The following GUCY2C variants were observed in gnomAD, a reference collection of about 807,000 sequenced individuals.
The protein encoded by GUCY2C is guanylyl cyclase C.
Under a neutral mutation model 131.1 loss-of-function variants are expected in GUCY2C, and 118 were observed. The ratio of observed to expected loss-of-function variants is 0.90; its 90% CI spans 0.78 to 1.05. The LOEUF (loss-of-function observed/expected upper bound fraction) is 1.05. Ranked by LOEUF, GUCY2C falls within the 50% of genes least tolerant of loss-of-function variation. GUCY2C has a pLI of 0.00. For synonymous variants in GUCY2C, 452 were observed against 457.8 expected (o/e 0.99, Z 0.16); for missense variants, 1,161 against 1,304.4 (o/e 0.89, Z 1.69).
intron 10 of GUCY2C, among the ~76,000 whole-genome samples, chr12:14,667,104 A>G (rs923035907): frequency 2.6e-5 from 4 of 152,200 alleles, no homozygotes; most frequent in African/African-American, 9.6e-5. Flanking sequence ...CTTTTTGAGA[A>G]GTTCAGCACT....
chr12:14,638,994 TAAAAATAGAG>T (rs1298603598), intron 19 of GUCY2C, among the ~76,000 whole-genome samples: 1 of 152,062 alleles, frequency 6.6e-6, no homozygotes, highest in Non-Finnish European at 1.5e-5. Flanking sequence ...AATATCAATT[TAAAAATAGAG>T]AATGAGGCCA....
At chr12:14,695,260 T>C (rs1948636214) in intron 1 of GUCY2C, among the ~76,000 whole-genome samples, 1 of 152,136 alleles carries the variant, frequency 6.6e-6, no homozygotes. Context: ...TCATGGCTGC[T>C]TTTTTTCCCC....
chr12:14,688,580 G>T (rs553119070), intron 1 of GUCY2C, among the ~76,000 whole-genome samples: 3 of 152,286 alleles, frequency 2.0e-5, no homozygotes, highest in South Asian at 4.1e-4. Flanking sequence ...CTTGGTCTCT[G>T]ATCTTTATCT....
At chr12:14,671,518 C>A (rs1355872836) in intron 9 of GUCY2C, among the ~76,000 whole-genome samples, 1 of 152,126 alleles carries the variant, frequency 6.6e-6, no homozygotes, top group Non-Finnish European at 1.5e-5. Context: ...TCTGTTGAGA[C>A]CTATCCTGGA....
intron 10 of GUCY2C, among the ~76,000 whole-genome samples, chr12:14,665,192 G>A (rs1258930039): frequency 6.6e-6 from 1 of 150,570 alleles, no homozygotes; most frequent in Non-Finnish European, 1.5e-5. Context: ...CTCCAGGCCG[G>A]GCAACACTGC....
chr12:14,676,216 A>G (rs1168679722), intron 7 of GUCY2C, among the ~76,000 whole-genome samples: 1 of 152,224 alleles, frequency 6.6e-6, no homozygotes. Context: ...ACAAAGCCCA[A>G]TATACTATTA....
intron 21 of GUCY2C, among the ~76,000 whole-genome samples, chr12:14,624,489 GA>G (rs1946963971): frequency 6.6e-6 from 1 of 151,746 alleles, no homozygotes; most frequent in Admixed American, 6.6e-5. Context: ...TAAAAAAGAA[GA>G]AACTTCTATT....
Position 14,643,710 on chromosome 12 carries a change from T to C in GUCY2C, c.1798-4A>G, listed in dbSNP as rs775095223. ...TGGAGTGCAGATATGACATTCCCTG[T>C]AATTTTTTAGATGATAGAAAAACAG... On this transcript the variant is annotated splice_region_variant and splice_polypyrimidine_tract_variant and intron_variant, in intron 16 of 26. Coordinates refer to ENST00000261170, the MANE Select transcript of GUCY2C (RefSeq NM_004963.4). 6.2e-7 allele frequency: 1 copy of C among 1,609,444 alleles called. No homozygotes were observed. The highest frequency in any genetic ancestry group is 2.2e-5 in the East Asian group (1 of 44,850).
Position 14,654,497 on chromosome 12 carries a change from C to T in GUCY2C, c.1471-1483G>A, listed in dbSNP as rs192350060. Among the ~76,000 whole-genome samples the T allele has an allele frequency of 9.9e-5, 15 of 152,200 alleles. No homozygotes were observed. In the East Asian group the frequency reaches 2.9e-3, roughly 29 times the overall value. On this transcript the variant is annotated intron_variant, in intron 12 of 26. Coordinates refer to ENST00000261170, the MANE Select transcript of GUCY2C (RefSeq NM_004963.4). ...CATGATCAAAATAATTTTGAACTTC[C>T]CTCCTTTGAGTTTACTGTCCCAAAG...
chr12:14,622,086 G>A lies in GUCY2C; in HGVS notation c.2520C>T (p.Ser840=). 6.2e-7 allele frequency: 1 copy of A among 1,609,488 alleles called. No homozygotes were observed. Among genetic ancestry groups the A allele is most frequent in the South Asian group, 1.1e-5 (1 of 90,300 alleles). ...IVGFTTICKY[S]TPMEVVDMLN... The stretch of plus-strand genomic sequence containing the variant: ...GCATGTCCACCACTTCCATGGGGGT[G>A]CTGTATTTGCAGATAGTAGTGAAAC... Residue 840 remains serine (S), a synonymous_variant, in exon 22 of 27, where the codon AGC becomes AGT. Coordinates refer to ENST00000261170, the MANE Select transcript of GUCY2C (RefSeq NM_004963.4).
At chr12:14,630,133 C>T (rs1947108833) in intron 19 of GUCY2C, among the ~76,000 whole-genome samples, 1 of 151,074 alleles carries the variant, frequency 6.6e-6, no homozygotes, top group South Asian at 2.1e-4. Context: ...TGGTGAAAAC[C>T]ATTTGTTTTA....
intron 11 of GUCY2C, among the ~76,000 whole-genome samples, chr12:14,660,534 C>T (rs1947847544): frequency 6.6e-6 from 1 of 152,144 alleles, no homozygotes. Flanking sequence ...TTTCTAAAAC[C>T]TCTCCCAGTC....
chr12:14,675,040 T>C (rs560353318), intron 7 of GUCY2C, among the ~76,000 whole-genome samples: 335 of 151,434 alleles, frequency 2.2e-3, no homozygotes, highest in Non-Finnish European at 3.7e-3. Flanking sequence ...AGAAACCCCA[T>C]CTCTATAAAA....
At chr12:14,693,021 G>C (rs1948601619) in intron 1 of GUCY2C, among the ~76,000 whole-genome samples, 1 of 152,092 alleles carries the variant, frequency 6.6e-6, no homozygotes, top group Non-Finnish European at 1.5e-5. Flanking sequence ...GAACTCAAGT[G>C]ATTTTTCTAG....
intron 16 of GUCY2C, among the ~76,000 whole-genome samples, chr12:14,644,077 A>T (rs2137024898): frequency 6.6e-6 from 1 of 152,354 alleles, no homozygotes; most frequent in Middle Eastern, 3.4e-3. Context: ...AAATAAAAAT[A>T]TGAATAATAG....
At chr12:14,654,094 A>T (rs1947716702) in intron 12 of GUCY2C, among the ~76,000 whole-genome samples, 1 of 152,134 alleles carries the variant, frequency 6.6e-6, no homozygotes, top group African/African-American at 2.4e-5. Flanking sequence ...GCTAGCTAAA[A>T]TACTTCTCTT....
chr12:14,669,839 T>A lies in GUCY2C; in HGVS notation c.1171-6A>T. Reference sequence around the variant, plus strand: ...TAGGTCAAAAGAACCTTGTACTGTGTCAGGGCACAAAAAAGAAAAAGGATG... The same window carrying A: ...TAGGTCAAAAGAACCTTGTACTGTGACAGGGCACAAAAAAGAAAAAGGATG... On this transcript the variant is annotated splice_region_variant and splice_polypyrimidine_tract_variant and intron_variant, in intron 9 of 26. Coordinates refer to ENST00000261170, the MANE Select transcript of GUCY2C (RefSeq NM_004963.4). 3.9e-6 allele frequency: 5 copies of A among 1,288,900 alleles called. No homozygotes were observed. Among genetic ancestry groups the A allele is most frequent in the Non-Finnish European group, 5.5e-6 (5 of 908,096 alleles). 79.8% of individuals were successfully genotyped at this position (1,288,900 alleles called of 1,614,324 possible).
chr12:14,620,108 A>G (rs1946861267), intron 23 of GUCY2C, among the ~76,000 whole-genome samples: 1 of 152,166 alleles, frequency 6.6e-6, no homozygotes, highest in South Asian at 2.1e-4. Context: ...CCTGTAACTC[A>G]TCTCAAACCT....
At chr12:14,623,106 T>C (rs1004802930) in intron 21 of GUCY2C, among the ~76,000 whole-genome samples, 2 of 152,126 alleles carry the variant, frequency 1.3e-5, no homozygotes, top group Non-Finnish European at 2.9e-5. Flanking sequence ...TTTTTACAGA[T>C]GAGAAAGTTG....
Sources: allele counts gnomAD v4.1 joint callset (sites outside exome capture counted in the v4.1 genomes callset), GRCh38; gene constraint gnomAD v4.1.1; transcripts MANE v1.5; gene names NCBI Gene and HGNC (gene_info 2026-07-23, HGNC 2026-07-21).